BICRAL: variants seen among roughly 807,000 people sequenced by gnomAD.
The protein encoded by BICRAL is BICRA like chromatin remodeling complex associated protein.
A neutral mutation model predicts 91.8 loss-of-function variants in BICRAL; 8 were observed. The ratio of observed to expected loss-of-function variants is 0.09; its 90% CI spans 0.05 to 0.16. The LOEUF (loss-of-function observed/expected upper bound fraction) is 0.16. Ranked by LOEUF, BICRAL falls within the 10% of genes least tolerant of loss-of-function variation. BICRAL has a pLI of 1.00. For synonymous variants in BICRAL, 445 were observed against 491.1 expected, an observed-to-expected ratio of 0.91 and a Z score of 1.24; for missense variants, 1,038 against 1,310.9, an observed-to-expected ratio of 0.79 and a Z score of 3.21.
intron 1 of BICRAL, among the ~76,000 whole-genome samples, chr6:42,763,804 G>A (rs1762592317): frequency 6.6e-6 from 1 of 150,582 alleles, no homozygotes; most frequent in African/African-American, 2.4e-5. Context: ...CTGAGCAACA[G>A]AGTGAGACTC....
chr6:42,832,387 G>GTA (rs1238075057), intron 6 of BICRAL, among the ~76,000 whole-genome samples: 121 of 143,792 alleles, frequency 8.4e-4, no homozygotes, highest in African/African-American at 2.5e-3. Context: ...ATGTATGTAT[G>GTA]TATATATATA....
chr6:42,794,686 C>A (rs867535935), intron 1 of BICRAL, among the ~76,000 whole-genome samples: 1 of 151,682 alleles, frequency 6.6e-6, no homozygotes, highest in Non-Finnish European at 1.5e-5. Flanking sequence ...CAGTGGCTCA[C>A]GCCTGTACTC....
chr6:42,817,427 T>C (rs1764024355), intron 2 of BICRAL, among the ~76,000 whole-genome samples: 1 of 151,882 alleles, frequency 6.6e-6, no homozygotes. Flanking sequence ...TTACATACCA[T>C]AAAACTCACC....
intron 2 of BICRAL, 63 bp from the exon 3 acceptor site, chr6:42,821,955 A>T: frequency 1.1e-5 from 11 of 978,938 alleles, no homozygotes; most frequent in Non-Finnish European, 1.6e-5. Flanking sequence ...TTTGTATTGC[A>T]TTGATACTAC....
intron 5 of BICRAL, among the ~76,000 whole-genome samples, chr6:42,826,084 CA>C (rs1764293264): frequency 2.0e-5 from 3 of 151,552 alleles, no homozygotes; most frequent in Non-Finnish European, 4.4e-5. Context: ...ACTCTTGTCT[CA>C]GGGGAAAAAA....
chr6:42,857,954 GC>G (rs1471316818), intron 10 of BICRAL, among the ~76,000 whole-genome samples: 2 of 150,082 alleles, frequency 1.3e-5, no homozygotes, highest in Non-Finnish European at 3.0e-5. Flanking sequence ...GATTATAGGC[GC>G]CCACCACCAC....
Position 42,834,150 on chromosome 6 carries a change from A to C in BICRAL, c.1839+3978A>C, listed in dbSNP as rs116645040. On this transcript the variant is annotated intron_variant, in intron 6 of 12. Transcript: ENST00000314073. ...ATAGGCATGAGCCATGGCGCCCAGC[A>C]AAACCAATTATTTTCTATAATTTGG... 7.0e-3 allele frequency among the ~76,000 whole-genome samples: 1,059 copies of C among 152,330 alleles called. 5 individuals are homozygous for C. Among genetic ancestry groups the C allele is most frequent in the African/African-American group, 0.022 (933 of 41,580 alleles).
At chr6:42,815,325 G>A (rs909320113) in intron 2 of BICRAL, among the ~76,000 whole-genome samples, 6 of 151,260 alleles carry the variant, frequency 4.0e-5, no homozygotes, top group African/African-American at 1.5e-4. Context: ...GAGTAGATAG[G>A]ATTACAGGCA....
chr6:42,841,651 C>G (rs1209071435), intron 6 of BICRAL, among the ~76,000 whole-genome samples: 1 of 152,090 alleles, frequency 6.6e-6, no homozygotes, highest in Non-Finnish European at 1.5e-5. Context: ...CCTTCTATGC[C>G]TTTAATGAAT....
intron 6 of BICRAL, among the ~76,000 whole-genome samples, chr6:42,850,900 C>T (rs1486630166): frequency 2.0e-5 from 3 of 151,000 alleles, no homozygotes; most frequent in African/African-American, 7.3e-5. Context: ...AATTTAAAAG[C>T]CCTTTATTGG....
At chr6:42,759,015 T>G (rs1762503838) in intron 1 of BICRAL, among the ~76,000 whole-genome samples, 1 of 152,214 alleles carries the variant, frequency 6.6e-6, no homozygotes. Context: ...AGCTGCTCAT[T>G]GATATCTCGT....
intron 5 of BICRAL, among the ~76,000 whole-genome samples, chr6:42,827,289 G>T (rs181008685): frequency 6.6e-6 from 1 of 152,156 alleles, no homozygotes; most frequent in Non-Finnish European, 1.5e-5. Context: ...TAATAGTCAC[G>T]TGTGTGTAAG....
intron 2 of BICRAL, among the ~76,000 whole-genome samples, chr6:42,820,030 C>T (rs1208916651): frequency 6.6e-6 from 1 of 152,164 alleles, no homozygotes; most frequent in East Asian, 1.9e-4. Context: ...TTGCACTACT[C>T]AAGTAGTTTG....
chr6:42,791,927 CTATTCCT>C (rs1358522802), intron 1 of BICRAL, among the ~76,000 whole-genome samples: 1 of 152,164 alleles, frequency 6.6e-6, no homozygotes, highest in Non-Finnish European at 1.5e-5. Flanking sequence ...ATGATATAGC[CTATTCCT>C]CCTGTATTGT....
At chr6:42,811,115 T>C (rs1220547028) in intron 2 of BICRAL, among the ~76,000 whole-genome samples, 3 of 152,016 alleles carry the variant, frequency 2.0e-5, no homozygotes, top group Non-Finnish European at 2.9e-5. Context: ...ATGGTGAAAA[T>C]CAGACACAAT....
intron 6 of BICRAL, among the ~76,000 whole-genome samples, chr6:42,839,410 C>T (rs1242531174): frequency 6.6e-6 from 1 of 151,954 alleles, no homozygotes; most frequent in Non-Finnish European, 1.5e-5. Context: ...TCCCAAAGTG[C>T]TAGGATTACA....
At chr6:42,836,748 AG>A (rs913834711) in intron 6 of BICRAL, among the ~76,000 whole-genome samples, 1 of 148,752 alleles carries the variant, frequency 6.7e-6, no homozygotes, top group African/African-American at 2.5e-5. Context: ...CAGGCTCCTG[AG>A]TAGCTGAGAT....
At chr6:42,846,010 G>T (rs1048881605) in intron 6 of BICRAL, among the ~76,000 whole-genome samples, 13 of 144,742 alleles carry the variant, frequency 9.0e-5, no homozygotes, top group African/African-American at 3.4e-4. Context: ...GGCGGAGCTT[G>T]CAGTGAGCCG....
chr6:42,791,369 A>G (rs566808783), intron 1 of BICRAL, among the ~76,000 whole-genome samples: 1 of 152,188 alleles, frequency 6.6e-6, no homozygotes, highest in South Asian at 2.1e-4. Flanking sequence ...TTGCAAACAC[A>G]TTAAACACTT....
Sources: allele counts gnomAD v4.1 joint callset (sites outside exome capture counted in the v4.1 genomes callset), GRCh38; gene constraint gnomAD v4.1.1; transcripts MANE v1.5; gene names NCBI Gene and HGNC (gene_info 2026-07-23, HGNC 2026-07-21).